The following POMT1 variants were observed in gnomAD, a reference collection of about 807,000 sequenced individuals.
POMT1 encodes the protein protein O-mannosyl-transferase 1.
Under a neutral mutation model 101.6 loss-of-function variants are expected in POMT1, and 85 were observed. That is an observed-to-expected ratio of 0.84 (90% confidence interval 0.70 to 1.00). The LOEUF is 1.00. Ranked by LOEUF, POMT1 falls within the 50% of genes least tolerant of loss-of-function variation. POMT1 has a pLI of 0.00. For missense variants in POMT1, 857 were observed against 930.4 expected, an observed-to-expected ratio of 0.92 and a Z score of 1.03; for synonymous variants, 371 against 383.0, an observed-to-expected ratio of 0.97 and a Z score of 0.37.
At chr9:131,520,549 A>G (rs887167883) in intron 17 of POMT1, among the ~76,000 whole-genome samples, 7 of 152,226 alleles carry the variant, frequency 4.6e-5, no homozygotes, top group African/African-American at 4.8e-5. Flanking sequence ...TCCACCCGGC[A>G]GAGTGAAAGC....
Position 131,511,432 on chromosome 9 carries a change from C to T in POMT1, c.951C>T (p.Cys317=). Residue 317 remains cysteine (C), a synonymous_variant, in exon 10 of 20, where the codon TGC becomes TGT. Coordinates refer to ENST00000402686, the MANE Select transcript of POMT1 (RefSeq NM_001077365.2). ...LRNVFGKPVP[C]WLHSHQDTYP... is the part of the protein sequence containing the mutation. Reference sequence around the variant, plus strand: ...ACGTCTTTGGGAAACCTGTGCCCTGCTGGCTTCATTCCCACCAGGACACCT... The same window carrying T: ...ACGTCTTTGGGAAACCTGTGCCCTGTTGGCTTCATTCCCACCAGGACACCT... 1 of 1,614,210 alleles carries T rather than the reference C, an allele frequency of 6.2e-7. No individual in the cohort carries two copies. Among genetic ancestry groups the T allele is most frequent in the Non-Finnish European group, 8.5e-7 (1 of 1,180,016 alleles).
At position 131,523,006 on chromosome 9, in the gene POMT1, C is replaced by T. The variant is rs767241035; in HGVS notation, c.2078C>T (p.Thr693Met). 32 of 1,609,280 alleles carry T rather than the reference C, an allele frequency of 2.0e-5. No individual in the cohort carries two copies. The East Asian group carries it at 2.7e-4, about 13-fold the overall frequency. The change falls in exon 20 of 20, where the codon ACG (threonine) becomes ATG (methionine). Residue 693 changes from threonine (T) to methionine (M), a missense_variant. By Grantham distance (81) the Thr-to-Met change is moderately conservative (BLOSUM62 -1). Coordinates refer to ENST00000402686, the MANE Select transcript of POMT1 (RefSeq NM_001077365.2). ...TCCTCCGCGTGCCACGTGTCCAACA[C>T]GCTGCGCCCACTCACCTACGGGGAC... Reference protein sequence around the residue: ...WYSSACHVSNTLRPLTYGDKS... With the variant: ...WYSSACHVSNMLRPLTYGDKS...
intron 9 of POMT1, 46 bp downstream of exon 9, chr9:131,510,461 A>G (rs1304414628): frequency 4.4e-6 from 7 of 1,578,074 alleles, no homozygotes; most frequent in Middle Eastern, 1.7e-4. Context: ...GGAAGATGAT[A>G]GTGGACCCAG....
At chr9:131,514,534 G>A (rs529111731) in intron 12 of POMT1, among the ~76,000 whole-genome samples, 1 of 152,336 alleles carries the variant, frequency 6.6e-6, no homozygotes, top group East Asian at 1.9e-4. Context: ...TCTGCCCACC[G>A]GCATGATGGC....
chr9:131,512,286 C>A, intron 11 of POMT1, 150 bp downstream of exon 11: 2 of 1,425,922 alleles, frequency 1.4e-6, no homozygotes, highest in Admixed American at 2.0e-5. Context: ...GTGCTGAGTC[C>A]AAGGTCAGAG....
chr9:131,511,556 A>G, intron 10 of POMT1, 89 bp downstream of exon 10: 2 of 1,564,564 alleles, frequency 1.3e-6, no homozygotes, highest in South Asian at 1.1e-5. Flanking sequence ...TTCTTTGAGG[A>G]AGTTTGTTTG....
At position 131,519,581 on chromosome 9, in the gene POMT1, G is replaced by C. The variant is rs916747195; in HGVS notation, c.1584+95G>C. On this transcript the variant is annotated intron_variant, in intron 16 of 19. Transcript: ENST00000402686. The surrounding 1 kb of genome is among the most constrained non-coding windows in gnomAD (Gnocchi z 4.3). ...CTGCACAGGACTCAAACCAGAGTCA[G>C]GCTTTGACGCTGGAGCTACAGGCTC... is the stretch of plus-strand genomic sequence containing the variant. 2 of 1,208,448 alleles carry C rather than the reference G, an allele frequency of 1.7e-6. No individual in the cohort carries two copies. Among genetic ancestry groups the C allele is most frequent in the Non-Finnish European group, 2.4e-6 (2 of 848,534 alleles). 74.9% of individuals were successfully genotyped at this position (1,208,448 alleles called of 1,614,324 possible).
rs1947044963 is a variant in POMT1, at chr9:131,511,232, C to T, written c.856-105C>T. ...ATTACCACTGTTACAAGAATGGCCACCAGCCTAAACATCACCCCAGAGGGA... is the reference window on the plus strand; with the variant it reads ...ATTACCACTGTTACAAGAATGGCCATCAGCCTAAACATCACCCCAGAGGGA... On this transcript the variant is annotated intron_variant, in intron 9 of 19. Transcript: ENST00000402686. The T allele has an allele frequency of 3.2e-6, 4 of 1,268,960 alleles. No homozygotes were observed. In the East Asian group the frequency reaches 7.0e-5, roughly 22 times the overall value. 78.6% of individuals were successfully genotyped at this position (1,268,960 alleles called of 1,614,324 possible).
At position 131,519,968 on chromosome 9, in the gene POMT1, T is replaced by C; in HGVS notation, c.1585-112T>C. 1.3e-6 allele frequency: 1 copy of C among 795,598 alleles called. No individual in the cohort carries two copies. Among genetic ancestry groups the C allele is most frequent in the Non-Finnish European group, 2.1e-6 (1 of 467,364 alleles). The allele number at this position is 795,598 out of a possible 1,614,324, so 49.3% of individuals were successfully genotyped here. On this transcript the variant is annotated intron_variant, in intron 16 of 19. Coordinates refer to ENST00000402686, the MANE Select transcript of POMT1 (RefSeq NM_001077365.2). The surrounding 1 kb of genome is among the most constrained non-coding windows in gnomAD (Gnocchi z 4.3). ...CTCCGATGCATGATCCGAATGAACT[T>C]GAGCTGGGCCAGTCCACGTGCAAGG...
intron 9 of POMT1, 142 bp from the exon 10 acceptor site, chr9:131,511,195 A>T: frequency 1.1e-6 from 1 of 882,328 alleles, no homozygotes; most frequent in Non-Finnish European, 1.7e-6. Flanking sequence ...TGATGTGATT[A>T]AATGGGAGAT....
intron 17 of POMT1, among the ~76,000 whole-genome samples, 160 bp downstream of exon 17, chr9:131,520,353 A>C (rs189457634): frequency 5.3e-4 from 80 of 152,358 alleles, no homozygotes; most frequent in African/African-American, 1.8e-3. Context: ...CGCTTTGGCA[A>C]CCTGGAGCCA....
In POMT1 at chr9:131,523,382, A is replaced by C. The variant is rs1208578382; in HGVS notation, c.*276A>C. 3 of 477,852 alleles carry C rather than the reference A, an allele frequency of 6.3e-6. No individual in the cohort carries two copies. The highest frequency in any genetic ancestry group is 3.9e-5 in the African/African-American group (2 of 50,934). The allele number at this position is 477,852 out of a possible 1,614,324, so 29.6% of individuals were successfully genotyped here. A position where few individuals can be genotyped will look rare whatever the true frequency, so the allele number is the denominator to read the frequency against. On this transcript the variant is annotated 3_prime_UTR_variant, in exon 20 of 20. Coordinates refer to ENST00000402686, the MANE Select transcript of POMT1 (RefSeq NM_001077365.2). ...TATTTCAGAGGCCAGCGTAGGAGTC[A>C]TTGACAACAAAAAGCCGAGAACCCA...
In POMT1 at chr9:131,512,061, G is replaced by C; in HGVS notation, c.1007G>C (p.Ser336Thr). 1 of 1,614,122 alleles carries C rather than the reference G, an allele frequency of 6.2e-7. No individual in the cohort carries two copies. Among genetic ancestry groups the C allele is most frequent in the Non-Finnish European group, 8.5e-7 (1 of 1,180,018 alleles). Residue 336 changes from serine (S) to threonine (T), a missense_variant, in exon 11 of 20, where the codon AGC (serine) becomes ACC (threonine). Ser to Thr is a moderately conservative substitution (Grantham distance 58, BLOSUM62 1). Coordinates refer to ENST00000402686, the MANE Select transcript of POMT1 (RefSeq NM_001077365.2). ...CACAGATATGAGAACGGCCGAGGCA[G>C]CTCCCACCAGCAACAGGTGACCTGT... ...YPMIYENGRG[S>T]SHQQQVTCYP...
At chr9:131,518,321 A>T in intron 13 of POMT1, 124 bp from the exon 14 acceptor site, 1 of 882,740 alleles carries the variant, frequency 1.1e-6, no homozygotes, top group Non-Finnish European at 1.9e-6. Flanking sequence ...AGCTTCCCTC[A>T]CTTGGGGACT....
chr9:131,503,350 T>C lies in POMT1; in HGVS notation c.-31+277T>C, dbSNP rs1355875595. ...GCTGGGGCCGACGCAGCCTCGGGAG[T>C]TGGTGGACGGGACAGGTGCGGCCTG... On this transcript the variant is annotated intron_variant, in intron 1 of 19. Transcript: ENST00000402686. The surrounding 1 kb of genome is among the most constrained non-coding windows in gnomAD (Gnocchi z 4.4). 1 of 153,454 alleles carries C rather than the reference T, an allele frequency of 6.5e-6. No individual in the cohort carries two copies. The highest frequency in any genetic ancestry group is 2.4e-5 in the African/African-American group (1 of 41,086). 9.5% of individuals were successfully genotyped at this position (153,454 alleles called of 1,614,324 possible). A position where few individuals can be genotyped will look rare whatever the true frequency, so the allele number is the denominator to read the frequency against.
At chr9:131,506,007 C>T (rs1462700943) in intron 2 of POMT1, 107 bp from the exon 3 acceptor site, 12 of 1,455,166 alleles carry the variant, frequency 8.2e-6, no homozygotes, top group Non-Finnish European at 1.0e-5. Context: ...CTTTGCTGAT[C>T]ACTCACTCAA....
chr9:131,510,252 T>C lies in POMT1; in HGVS notation c.700-8T>C. 6.2e-7 allele frequency: 1 copy of C among 1,614,252 alleles called. No homozygotes were observed. The highest frequency in any genetic ancestry group is 1.3e-5 in the African/African-American group (1 of 75,068). ...GTGGAACATGACTTTTCTTTGAATC[T>C]CTGGCAGGTCTGTGTGTTCTGTCAC... is the stretch of plus-strand genomic sequence containing the variant. On this transcript the variant is annotated splice_region_variant and splice_polypyrimidine_tract_variant and intron_variant, in intron 8 of 19. Coordinates refer to ENST00000402686, the MANE Select transcript of POMT1 (RefSeq NM_001077365.2).
intron 2 of POMT1, among the ~76,000 whole-genome samples, chr9:131,505,379 C>A (rs1945570646): frequency 6.8e-6 from 1 of 146,918 alleles, no homozygotes; most frequent in African/African-American, 2.5e-5. Context: ...TCTCCTACTT[C>A]AGCCTCCCGA....
intron 2 of POMT1, among the ~76,000 whole-genome samples, chr9:131,505,143 G>A (rs1588325437): frequency 6.6e-6 from 1 of 151,686 alleles, no homozygotes; most frequent in Admixed American, 6.6e-5. Flanking sequence ...AGGGAGACAA[G>A]TATAATGAAT....
Sources: gnomAD v4.1 joint callset for allele counts (sites outside exome capture counted in the v4.1 genomes callset) on GRCh38, gnomAD v4.1.1 for gene constraint, Gnocchi (gnomAD v3.1) non-coding constraint, MANE v1.5 for transcripts, NCBI Gene and HGNC (gene_info 2026-07-23, HGNC 2026-07-21) for gene names.